Variants in PBX1 observed in about 807,000 individuals in gnomAD.
PBX1 encodes PBX homeobox 1, also known as pre-B-cell leukemia transcription factor 1.
A neutral mutation model predicts 53.4 loss-of-function variants in PBX1; 6 were observed. The observed-to-expected ratio is 0.11, with a 90% confidence interval of 0.06 to 0.22. PBX1 has a LOEUF of 0.22. Ranked by LOEUF, PBX1 falls within the 10% of genes least tolerant of loss-of-function variation. The pLI, the probability that PBX1 is intolerant of heterozygous loss-of-function variation, is 1.00. For missense variants in PBX1, 251 were observed against 551.4 expected, an observed-to-expected ratio of 0.46 and a Z score of 5.46; for synonymous variants, 204 against 212.3, an observed-to-expected ratio of 0.96 and a Z score of 0.34.
rs922498500 is a variant in PBX1, at chr1:164,849,140, G to C, written c.*2464G>C. On this transcript the variant is annotated 3_prime_UTR_variant, in exon 9 of 9. Coordinates refer to ENST00000420696, the MANE Select transcript of PBX1 (RefSeq NM_002585.4). ...TTGACTTAGGGCAAAGTACGAAAGAGAGACAAAAGGGTTCTCTTGGAAACA... is the reference window on the plus strand; with the variant it reads ...TTGACTTAGGGCAAAGTACGAAAGACAGACAAAAGGGTTCTCTTGGAAACA... 4.3e-6 allele frequency: 6 copies of C among 1,383,796 alleles called. No individual in the cohort carries two copies. The highest frequency in any genetic ancestry group is 5.6e-6 in the Non-Finnish European group (6 of 1,069,234). The allele number at this position is 1,383,796 out of a possible 1,614,324, so 85.7% of individuals were successfully genotyped here. A position where few individuals can be genotyped will look rare whatever the true frequency, so the allele number is the denominator to read the frequency against.
At chr1:164,819,852 A>C (rs1670063170) in intron 6 of PBX1, 1 of 439,170 alleles carries the variant, frequency 2.3e-6, no homozygotes, top group African/African-American at 2.0e-5. Context: ...TCTATTGACA[A>C]CTTGCAGTAA....
At chr1:164,634,235 C>T (rs1658597072) in intron 2 of PBX1, among the ~76,000 whole-genome samples, 1 of 152,166 alleles carries the variant, frequency 6.6e-6, no homozygotes, top group Non-Finnish European at 1.5e-5. Context: ...GAGGTTTGGC[C>T]AGAGGCTTCT....
At chr1:164,687,852 A>G (rs1266766057) in intron 2 of PBX1, among the ~76,000 whole-genome samples, 1 of 152,142 alleles carries the variant, frequency 6.6e-6, no homozygotes, top group Non-Finnish European at 1.5e-5. Flanking sequence ...GCACTCACTT[A>G]AAGAAGAAAT....
At chr1:164,619,434 G>C (rs1396923427) in intron 2 of PBX1, among the ~76,000 whole-genome samples, 1 of 152,084 alleles carries the variant, frequency 6.6e-6, no homozygotes, top group Non-Finnish European at 1.5e-5. Flanking sequence ...TACTTACTGG[G>C]TTATTCAGTG....
At chr1:164,834,061 G>A (rs899392560) in intron 8 of PBX1, among the ~76,000 whole-genome samples, 3 of 149,976 alleles carry the variant, frequency 2.0e-5, no homozygotes, top group African/African-American at 5.0e-5. Context: ...GTGTGTGTGT[G>A]TGTGTGTGTA....
At chr1:164,761,833 AT>A (rs1289189434) in intron 2 of PBX1, among the ~76,000 whole-genome samples, 1 of 152,036 alleles carries the variant, frequency 6.6e-6, no homozygotes, top group Non-Finnish European at 1.5e-5. Context: ...AGTGTGAGGG[AT>A]TTTTTTCCTT....
intron 2 of PBX1, among the ~76,000 whole-genome samples, chr1:164,689,316 ATTC>A (rs1662317566): frequency 6.6e-6 from 1 of 150,962 alleles, no homozygotes; most frequent in African/African-American, 2.4e-5. Flanking sequence ...TTTCTTTTTC[ATTC>A]TTCTTTTTTC....
chr1:164,856,341 G>A (rs1419268739), downstream of PBX1, among the ~76,000 whole-genome samples: 1 of 152,120 alleles, frequency 6.6e-6, no homozygotes, highest in Non-Finnish European at 1.5e-5. Flanking sequence ...TTTCAGCAGA[G>A]CCTGCAAGGT....
At position 164,781,336 on chromosome 1, in the gene PBX1, A is replaced by T. The variant is rs73029030; in HGVS notation, c.266-11158A>T. Among the ~76,000 whole-genome samples the T allele has an allele frequency of 6.1e-3, 933 of 152,258 alleles. 14 individuals carry two copies. The highest frequency in any genetic ancestry group is 0.021 in the African/African-American group (884 of 41,540). On this transcript the variant is annotated intron_variant, in intron 2 of 8. Coordinates refer to ENST00000420696, the MANE Select transcript of PBX1 (RefSeq NM_002585.4). The stretch of plus-strand genomic sequence containing the variant: ...TCTCCTCTAAGTAGGGTGCATTGGG[A>T]TCTCTCTTCCAATCCTCTGTACCTG...
At chr1:164,755,154 G>A (rs1191477429) in intron 2 of PBX1, among the ~76,000 whole-genome samples, 1 of 152,154 alleles carries the variant, frequency 6.6e-6, no homozygotes, top group Non-Finnish European at 1.5e-5. Context: ...AATCTAGGCT[G>A]TGAACTAGAC....
At chr1:164,852,868 A>G (rs888785009), downstream of PBX1, among the ~76,000 whole-genome samples, 1 of 152,180 alleles carries the variant, frequency 6.6e-6, no homozygotes, top group Non-Finnish European at 1.5e-5. Flanking sequence ...TCTCTCTTCA[A>G]ATCTAAACAT....
At chr1:164,728,238 G>A (rs548893642) in intron 2 of PBX1, among the ~76,000 whole-genome samples, 12 of 151,860 alleles carry the variant, frequency 7.9e-5, no homozygotes, top group African/African-American at 2.4e-4. Context: ...GATTGCTTGA[G>A]CCTGGGAGAC....
chr1:164,628,991 G>C (rs1471864008), intron 2 of PBX1, among the ~76,000 whole-genome samples: 1 of 152,172 alleles, frequency 6.6e-6, no homozygotes, highest in Admixed American at 6.5e-5. Flanking sequence ...TCTTAGGGTA[G>C]AGCAGGATGA....
At chr1:164,682,380 A>C (rs566836511) in intron 2 of PBX1, 1 of 152,142 alleles carries the variant, frequency 6.6e-6, no homozygotes, top group African/African-American at 2.4e-5. Flanking sequence ...TCATCAGCTC[A>C]TCCATCCGTC....
At chr1:164,627,991 C>G (rs766005353) in intron 2 of PBX1, among the ~76,000 whole-genome samples, 6 of 152,104 alleles carry the variant, frequency 3.9e-5, no homozygotes, top group Non-Finnish European at 8.8e-5. Flanking sequence ...CTTTCTGTAC[C>G]TGTTTTAGAT....
intron 2 of PBX1, among the ~76,000 whole-genome samples, chr1:164,751,539 C>G (rs1388864923): frequency 1.3e-5 from 2 of 150,378 alleles, no homozygotes; most frequent in Non-Finnish European, 3.0e-5. Flanking sequence ...TTTTTATAGA[C>G]ATGGGTTATT....
intron 8 of PBX1, among the ~76,000 whole-genome samples, chr1:164,827,183 C>G (rs763735178): frequency 1.3e-5 from 2 of 152,178 alleles, no homozygotes; most frequent in Admixed American, 6.5e-5. Flanking sequence ...GACCTCCTTC[C>G]ACTTAAAGTA....
intron 2 of PBX1, among the ~76,000 whole-genome samples, chr1:164,736,983 T>C (rs1220498439): frequency 6.6e-6 from 1 of 152,192 alleles, no homozygotes; most frequent in Non-Finnish European, 1.5e-5. Context: ...CTATAGGTAT[T>C]CAAGAGGGAT....
intron 2 of PBX1, among the ~76,000 whole-genome samples, chr1:164,602,864 T>C (rs993374798): frequency 6.6e-6 from 1 of 152,178 alleles, no homozygotes; most frequent in Non-Finnish European, 1.5e-5. Context: ...GGTTGTAAAT[T>C]AAGGGCTGAG....
Sources: gnomAD v4.1 joint callset for allele counts (sites outside exome capture counted in the v4.1 genomes callset) on GRCh38, gnomAD v4.1.1 for gene constraint, MANE v1.5 for transcripts, NCBI Gene and HGNC (gene_info 2026-07-23, HGNC 2026-07-21) for gene names.